The following ZNF407 variants were observed in gnomAD, a reference collection of about 807,000 sequenced individuals.
ZNF407 encodes zinc finger protein 407.
A neutral mutation model predicts 131.2 loss-of-function variants in ZNF407; 17 were observed. The observed-to-expected ratio is 0.13, with a 90% CI of 0.09 to 0.19. The LOEUF is 0.19. ZNF407 is among the 10% of genes least tolerant of loss of function. The probability of loss-of-function intolerance (pLI) is 1.00; values close to 1 mark genes in which losing one functional copy is unlikely to be tolerated. For missense variants in ZNF407, 2,681 were observed against 2,830.6 expected, an observed-to-expected ratio of 0.95 and a Z score of 1.20; for synonymous variants, 1,156 against 1,062.0, an observed-to-expected ratio of 1.09 and a Z score of -1.72.
At chr18:74,700,845 G>A (rs1363857767) in intron 3 of ZNF407, among the ~76,000 whole-genome samples, 4 of 152,138 alleles carry the variant, frequency 2.6e-5, no homozygotes, top group East Asian at 3.9e-4. Flanking sequence ...AGATTCATCT[G>A]TCAAACATTG....
intron 8 of ZNF407, among the ~76,000 whole-genome samples, chr18:75,016,740 AT>A (rs1385223999): frequency 1.3e-5 from 2 of 152,142 alleles, no homozygotes; most frequent in African/African-American, 4.8e-5. Context: ...TTTGTCATCT[AT>A]TTCTGATTTT....
chr18:74,782,002 T>G (rs1481010098), intron 4 of ZNF407, among the ~76,000 whole-genome samples: 1 of 152,224 alleles, frequency 6.6e-6, no homozygotes, highest in Non-Finnish European at 1.5e-5. Context: ...TGTCATCAAC[T>G]GCCAGGTTTT....
At chr18:74,896,929 C>G (rs1971461233) in intron 7 of ZNF407, among the ~76,000 whole-genome samples, 1 of 152,110 alleles carries the variant, frequency 6.6e-6, no homozygotes, top group Admixed American at 6.5e-5. Flanking sequence ...TCCTAGTTTT[C>G]TCTGCCCATT....
At chr18:74,685,840 T>A (rs1967085133) in intron 3 of ZNF407, among the ~76,000 whole-genome samples, 1 of 152,176 alleles carries the variant, frequency 6.6e-6, no homozygotes. Flanking sequence ...TGCTCCTGTT[T>A]CCCTTTGCCC....
intron 8 of ZNF407, among the ~76,000 whole-genome samples, chr18:74,928,770 C>T (rs1038815962): frequency 1.3e-5 from 2 of 152,100 alleles, no homozygotes; most frequent in Non-Finnish European, 2.9e-5. Context: ...GGAGGCCTGT[C>T]CCTCCGGCCT....
At chr18:74,674,541 C>T (rs1435265984) in intron 3 of ZNF407, among the ~76,000 whole-genome samples, 1 of 152,112 alleles carries the variant, frequency 6.6e-6, no homozygotes, top group African/African-American at 2.4e-5. Flanking sequence ...CCATAGTATC[C>T]TGGTATTATT....
intron 3 of ZNF407, among the ~76,000 whole-genome samples, chr18:74,763,503 A>G (rs1250877294): frequency 6.6e-6 from 1 of 151,544 alleles, no homozygotes; most frequent in Non-Finnish European, 1.5e-5. Flanking sequence ...ATCTTTACCT[A>G]GATGAAGGTT....
chr18:74,800,434 C>A (rs933755093), intron 4 of ZNF407, among the ~76,000 whole-genome samples: 3 of 151,834 alleles, frequency 2.0e-5, no homozygotes, highest in Admixed American at 2.0e-4. Flanking sequence ...TCACATTGTT[C>A]CCTCTTCCAC....
intron 8 of ZNF407, among the ~76,000 whole-genome samples, chr18:75,028,332 G>A (rs144223153): frequency 7.6e-4 from 116 of 152,288 alleles, no homozygotes; most frequent in Non-Finnish European, 1.2e-3. Flanking sequence ...GTGGATGACC[G>A]TCTTCCCTGT....
In ZNF407 at chr18:74,600,059, A is replaced by G. The variant is rs967093815; in HGVS notation, c.-54+2122A>G. On this transcript the variant is annotated intron_variant, in intron 1 of 8. Transcript: ENST00000299687. ...CCATTGCACTAGAGTAAAATGATGA[A>G]CAAGATAGTGGGGAATATAGACAAG... Among the ~76,000 whole-genome samples, 4 of 152,344 alleles carry G rather than the reference A, an allele frequency of 2.6e-5. No individual in the cohort carries two copies. In the South Asian group the frequency reaches 8.3e-4, roughly 32 times the overall value.
At chr18:74,698,810 A>G (rs988210221) in intron 3 of ZNF407, among the ~76,000 whole-genome samples, 1 of 152,190 alleles carries the variant, frequency 6.6e-6, no homozygotes, top group Non-Finnish European at 1.5e-5. Context: ...CGGGGGAGGT[A>G]TAAGTTGGGA....
chr18:75,004,904 G>T (rs570430603), intron 8 of ZNF407, among the ~76,000 whole-genome samples: 7 of 152,160 alleles, frequency 4.6e-5, no homozygotes, highest in Admixed American at 3.9e-4. Flanking sequence ...TTCTGGCAGC[G>T]CTGGGATGGG....
intron 1 of ZNF407, among the ~76,000 whole-genome samples, chr18:74,626,475 A>G (rs1983790885): frequency 6.6e-6 from 1 of 152,198 alleles, no homozygotes. Context: ...ATGGCCTTGT[A>G]TTGAGGTCAC....
chr18:74,699,764 A>T (rs1299117106), intron 3 of ZNF407, among the ~76,000 whole-genome samples: 1 of 152,158 alleles, frequency 6.6e-6, no homozygotes, highest in East Asian at 1.9e-4. Context: ...TCTACAGTTA[A>T]AATATTAAAA....
chr18:74,914,810 G>C (rs1177277069), intron 7 of ZNF407, among the ~76,000 whole-genome samples: 2 of 152,140 alleles, frequency 1.3e-5, no homozygotes, highest in African/African-American at 2.4e-5. Flanking sequence ...ACTGATCCTA[G>C]TGTTGGTTAG....
intron 3 of ZNF407, among the ~76,000 whole-genome samples, chr18:74,755,807 C>T (rs557118430): frequency 9.0e-6 from 1 of 111,458 alleles, no homozygotes; most frequent in Non-Finnish European, 1.8e-5. Context: ...TTCATTCATT[C>T]GTTCATTCAT....
At chr18:74,847,990 G>C (rs1162382202) in intron 4 of ZNF407, among the ~76,000 whole-genome samples, 1 of 151,836 alleles carries the variant, frequency 6.6e-6, no homozygotes, top group Non-Finnish European at 1.5e-5. Flanking sequence ...TTTTTCAGCT[G>C]GACTTTTTAT....
intron 3 of ZNF407, among the ~76,000 whole-genome samples, chr18:74,721,561 A>C (rs914630191): frequency 1.3e-5 from 2 of 152,254 alleles, no homozygotes; most frequent in Non-Finnish European, 2.9e-5. Context: ...ATACGCAGTC[A>C]GCATACCAAA....
chr18:74,967,281 C>T (rs1405539881), intron 8 of ZNF407, among the ~76,000 whole-genome samples: 1 of 152,076 alleles, frequency 6.6e-6, no homozygotes, highest in African/African-American at 2.4e-5. Flanking sequence ...GTTTTAATCT[C>T]TTATAAAGTA....
Sources: allele counts gnomAD v4.1 joint callset (sites outside exome capture counted in the v4.1 genomes callset), GRCh38; gene constraint gnomAD v4.1.1; transcripts MANE v1.5; gene names NCBI Gene and HGNC (gene_info 2026-07-23, HGNC 2026-07-21).